The following C13orf42 variants were observed in gnomAD, a reference collection of about 807,000 sequenced individuals.
C13orf42 encodes the protein uncharacterized protein C13orf42.
chr13:51,087,128 ACTGT>A (rs1953136296), intron 2 of C13orf42, among the ~76,000 whole-genome samples: 1 of 152,196 alleles, frequency 6.6e-6, no homozygotes, highest in Non-Finnish European at 1.5e-5. Flanking sequence ...GATTAAACAA[ACTGT>A]CTGACAGTCG....
At chr13:51,100,131 T>C (rs1419616315) in intron 1 of C13orf42, among the ~76,000 whole-genome samples, 2 of 150,730 alleles carry the variant, frequency 1.3e-5, no homozygotes, top group African/African-American at 4.9e-5. Flanking sequence ...CTACTACATA[T>C]CCAAATAAAT....
intron 1 of C13orf42, among the ~76,000 whole-genome samples, chr13:51,143,092 T>C (rs1953708088): frequency 6.6e-6 from 1 of 152,174 alleles, no homozygotes; most frequent in Admixed American, 6.5e-5. Context: ...TTAAAGTCCT[T>C]ATAACATTGA....
intron 1 of C13orf42, among the ~76,000 whole-genome samples, chr13:51,126,897 G>C (rs1429497094): frequency 2.6e-5 from 4 of 152,224 alleles, no homozygotes; most frequent in African/African-American, 9.6e-5. Context: ...TGGTGCAGTG[G>C]CTCACGCTTA....
At chr13:51,133,910 G>A (rs1328059335) in intron 1 of C13orf42, among the ~76,000 whole-genome samples, 1 of 152,148 alleles carries the variant, frequency 6.6e-6, no homozygotes, top group Non-Finnish European at 1.5e-5. Context: ...CTATCTTGAG[G>A]ACAGGGGACA....
chr13:51,170,523 C>G (rs910263802), intron 1 of C13orf42, among the ~76,000 whole-genome samples: 12 of 152,162 alleles, frequency 7.9e-5, no homozygotes, highest in Non-Finnish European at 1.5e-4. Context: ...ACCTCTTTCT[C>G]CTTTCAATCT....
chr13:51,104,798 A>G (rs1177935125), intron 1 of C13orf42, among the ~76,000 whole-genome samples: 1 of 151,920 alleles, frequency 6.6e-6, no homozygotes, highest in Non-Finnish European at 1.5e-5. Flanking sequence ...AAGCCAAGCT[A>G]AGAAAAGTGA....
intron 1 of C13orf42, among the ~76,000 whole-genome samples, chr13:51,094,852 G>A (rs1953216270): frequency 6.6e-6 from 1 of 151,916 alleles, no homozygotes; most frequent in African/African-American, 2.4e-5. Context: ...ATCTTGAATT[G>A]TAGCTCCCAT....
chr13:51,154,216 A>G (rs1264834776), intron 1 of C13orf42, among the ~76,000 whole-genome samples: 4 of 152,016 alleles, frequency 2.6e-5, no homozygotes, highest in African/African-American at 7.3e-5. Flanking sequence ...TCTATGTCAC[A>G]TTTTGTTTAT....
chr13:51,116,472 C>T (rs758956798), intron 1 of C13orf42, among the ~76,000 whole-genome samples: 3 of 152,228 alleles, frequency 2.0e-5, no homozygotes, highest in Non-Finnish European at 4.4e-5. Context: ...AAAAAGTGCT[C>T]TCTCCAGGTG....
chr13:51,169,390 G>A (rs1222305347), intron 1 of C13orf42, among the ~76,000 whole-genome samples: 1 of 152,004 alleles, frequency 6.6e-6, no homozygotes, highest in Non-Finnish European at 1.5e-5. Flanking sequence ...TAAAAGTTTG[G>A]AAAATTTGTA....
At chr13:51,142,362 G>C (rs746465941) in intron 1 of C13orf42, among the ~76,000 whole-genome samples, 5 of 152,100 alleles carry the variant, frequency 3.3e-5, no homozygotes, top group African/African-American at 1.2e-4. Flanking sequence ...TTTTTTTACT[G>C]TCTTAGTTAT....
intron 1 of C13orf42, among the ~76,000 whole-genome samples, chr13:51,119,006 G>T (rs12428867): frequency 0.087 from 13,262 of 151,826 alleles, 791 homozygotes; most frequent in South Asian, 0.26. Context: ...CAGGTGTACG[G>T]CATGCCCAAG....
At chr13:51,124,557 T>TA (rs1340146985) in intron 1 of C13orf42, among the ~76,000 whole-genome samples, 4 of 152,222 alleles carry the variant, frequency 2.6e-5, no homozygotes, top group African/African-American at 9.6e-5. Context: ...TCCTGCCTTT[T>TA]ACAGGTTGAG....
At chr13:51,146,633 G>T (rs184661634) in intron 1 of C13orf42, among the ~76,000 whole-genome samples, 1 of 152,146 alleles carries the variant, frequency 6.6e-6, no homozygotes, top group Non-Finnish European at 1.5e-5. Flanking sequence ...TGAAGCAAAG[G>T]ACTCACAGTG....
chr13:51,133,095 A>T (rs1282445194), intron 1 of C13orf42, among the ~76,000 whole-genome samples: 1 of 152,248 alleles, frequency 6.6e-6, no homozygotes, highest in Non-Finnish European at 1.5e-5. Context: ...GGCAACCAGC[A>T]GCTTTCAGGG....
At chr13:51,130,200 CA>C (rs1049983095) in intron 1 of C13orf42, among the ~76,000 whole-genome samples, 25 of 152,150 alleles carry the variant, frequency 1.6e-4, no homozygotes, top group Non-Finnish European at 3.1e-4. Flanking sequence ...ATTGGTAAAA[CA>C]AAGACATTTG....
chr13:51,118,382 C>G (rs539362089), intron 1 of C13orf42, among the ~76,000 whole-genome samples: 2 of 152,186 alleles, frequency 1.3e-5, no homozygotes, highest in South Asian at 4.1e-4. Context: ...GAGAGGGGCA[C>G]GACAGGCCTC....
chr13:51,145,869 C>T (rs1308381661), intron 1 of C13orf42, among the ~76,000 whole-genome samples: 4 of 152,208 alleles, frequency 2.6e-5, no homozygotes, highest in African/African-American at 4.8e-5. Context: ...ATGTCTCCTT[C>T]AATGCATAAA....
chr13:51,097,063 A>G (rs1178313057), intron 1 of C13orf42, among the ~76,000 whole-genome samples: 1 of 152,208 alleles, frequency 6.6e-6, no homozygotes, highest in East Asian at 1.9e-4. Context: ...TCTTCACTCA[A>G]CGTATCCTGA....
Sources: allele counts gnomAD v4.1 joint callset (sites outside exome capture counted in the v4.1 genomes callset), GRCh38; gene constraint gnomAD v4.1.1; transcripts MANE v1.5; gene names NCBI Gene and HGNC (gene_info 2026-07-23, HGNC 2026-07-21).